RPTOR: variants seen among roughly 807,000 people sequenced by gnomAD.
RPTOR encodes regulatory-associated protein of mTOR.
A neutral mutation model predicts 169.9 loss-of-function variants in RPTOR; 21 were observed. That is an observed-to-expected ratio of 0.12 (90% CI 0.09 to 0.18). RPTOR has a LOEUF of 0.18. RPTOR is among the 10% of genes least tolerant of loss of function. The pLI is 1.00. For missense variants in RPTOR, 1,133 were observed against 1,855.9 expected (o/e 0.61, Z 7.16); for synonymous variants, 732 against 753.2 (o/e 0.97, Z 0.46).
chr17:80,661,651 G>A (rs528399869), intron 3 of RPTOR, among the ~76,000 whole-genome samples: 2 of 152,248 alleles, frequency 1.3e-5, no homozygotes, highest in African/African-American at 2.4e-5. Context: ...ATCTTGTTAA[G>A]TTTCTTCTTA....
chr17:80,960,008 G>T lies in RPTOR; in HGVS notation c.3478-70G>T, dbSNP rs1247158920. Reference sequence around the variant, plus strand: ...CAGGCAGGCAGCAAGAGGGGTCCTGGCGCTGCAGGACAGCAGGGAGGGTGG... The same window carrying T: ...CAGGCAGGCAGCAAGAGGGGTCCTGTCGCTGCAGGACAGCAGGGAGGGTGG... On this transcript the variant is annotated intron_variant, in intron 29 of 33. Coordinates refer to ENST00000306801, the MANE Select transcript of RPTOR (RefSeq NM_020761.3). This position sits in a 1 kb window ranked among gnomAD's most constrained non-coding sequence, Gnocchi z 4.8. 5 of 1,582,978 alleles carry T rather than the reference G, an allele frequency of 3.2e-6. No individual in the cohort carries two copies. In the African/African-American group the frequency reaches 6.7e-5, roughly 21 times the overall value.
intron 3 of RPTOR, among the ~76,000 whole-genome samples, chr17:80,668,395 C>G (rs1314327951): frequency 6.6e-6 from 1 of 152,154 alleles, no homozygotes; most frequent in Admixed American, 6.5e-5. Flanking sequence ...ATAGAGCAGG[C>G]TTGTGTTCTT....
intron 5 of RPTOR, among the ~76,000 whole-genome samples, chr17:80,749,451 G>T (rs3929294): frequency 2.1e-5 from 1 of 47,762 alleles, no homozygotes; most frequent in Non-Finnish European, 5.2e-5. Context: ...TTTAGAGGCC[G>T]TGGCGGGAGG....
chr17:80,638,411 C>CTT (rs11399351), intron 2 of RPTOR, among the ~76,000 whole-genome samples: 32,305 of 126,110 alleles, frequency 0.26, 4,715 homozygotes, highest in African/African-American at 0.32. Context: ...TTCTTCCTTT[C>CTT]TTTTTTTTTT....
chr17:80,571,824 T>C (rs1568311351), intron 1 of RPTOR, among the ~76,000 whole-genome samples: 1 of 152,232 alleles, frequency 6.6e-6, no homozygotes. Context: ...CCCAGCCTCT[T>C]CACTTTTCTT....
intron 3 of RPTOR, among the ~76,000 whole-genome samples, chr17:80,694,857 G>C (rs576239574): frequency 6.6e-6 from 1 of 152,162 alleles, no homozygotes; most frequent in African/African-American, 2.4e-5. Context: ...TGGCCTTCTC[G>C]AGGGGAAGGG....
At chr17:80,879,825 G>A (rs991163773) in intron 13 of RPTOR, among the ~76,000 whole-genome samples, 7 of 152,224 alleles carry the variant, frequency 4.6e-5, no homozygotes, top group Admixed American at 6.5e-5. Context: ...TGGGAAGGTC[G>A]CCTGCCTGGC....
rs115556209 is a variant in RPTOR at position 80,544,926 on chromosome 17, A to G, written c.-704A>G. ...CAGAGGGCAAAGCTCCCATGACCCA[A>G]TAAGCCCACATTGTCCCTTTCCTCC... On this transcript the variant is annotated 5_prime_UTR_variant, in exon 1 of 34. Coordinates refer to ENST00000306801, the MANE Select transcript of RPTOR (RefSeq NM_020761.3). 1.6e-4 allele frequency: 36 copies of G among 229,688 alleles called. No homozygotes were observed. Among genetic ancestry groups the G allele is most frequent in the Admixed American group, 1.1e-3 (19 of 17,638 alleles). 14.2% of individuals were successfully genotyped at this position (229,688 alleles called of 1,614,324 possible).
chr17:80,883,296 C>A, intron 14 of RPTOR, 123 bp from the exon 15 acceptor site: 1 of 838,646 alleles, frequency 1.2e-6, no homozygotes, highest in South Asian at 1.5e-5. Flanking sequence ...GTAAAGCTGG[C>A]TCTCGTTACT....
Position 80,947,990 on chromosome 17 carries a change from C to G in RPTOR, c.3265+639C>G, listed in dbSNP as rs955018261. Among the ~76,000 whole-genome samples the G allele has an allele frequency of 6.6e-6, 1 of 152,212 alleles. No individual in the cohort carries two copies. The highest frequency in any genetic ancestry group is 2.4e-5 in the African/African-American group (1 of 41,440). On this transcript the variant is annotated intron_variant, in intron 27 of 33. Transcript: ENST00000306801. This position sits in a 1 kb window ranked among gnomAD's most constrained non-coding sequence, Gnocchi z 4.4. Reference sequence around the variant, plus strand: ...TCGTTTGTTTCCATGTCAGTTACCCCACGTTGACAGTCATTTTCCTTTAGC... The same window carrying G: ...TCGTTTGTTTCCATGTCAGTTACCCGACGTTGACAGTCATTTTCCTTTAGC...
intron 13 of RPTOR, among the ~76,000 whole-genome samples, chr17:80,864,720 AG>A (rs1169682220): frequency 6.6e-6 from 1 of 152,292 alleles, no homozygotes; most frequent in Non-Finnish European, 1.5e-5. Context: ...AGCAGAAATG[AG>A]TACTATGTGG....
At chr17:80,655,265 T>C (rs142741217) in intron 3 of RPTOR, among the ~76,000 whole-genome samples, 127 of 152,282 alleles carry the variant, frequency 8.3e-4, no homozygotes, top group Middle Eastern at 3.4e-3. Context: ...TTTGTATTTT[T>C]AGTGGAGACA....
In RPTOR at chr17:80,721,953, C is replaced by T. The variant is rs911199091; in HGVS notation, c.508-8607C>T. On this transcript the variant is annotated intron_variant, in intron 4 of 33. Transcript: ENST00000306801. The surrounding 1 kb of genome is among the most constrained non-coding windows in gnomAD (Gnocchi z 4.7). ...TTGTGGATTGTGCTGCTGATGGGAACTTCCTTTGACTTCACAAATACAAGG... is the reference window on the plus strand; with the variant it reads ...TTGTGGATTGTGCTGCTGATGGGAATTTCCTTTGACTTCACAAATACAAGG... Among the ~76,000 whole-genome samples the T allele has an allele frequency of 1.3e-5, 2 of 151,104 alleles. No homozygotes were observed. Among genetic ancestry groups the T allele is most frequent in the Non-Finnish European group, 2.9e-5 (2 of 68,028 alleles).
chr17:80,925,462 T>G lies in RPTOR; in HGVS notation c.2901T>G (p.Phe967Leu). The G allele has an allele frequency of 6.2e-7, 1 of 1,613,506 alleles. No homozygotes were observed. Among genetic ancestry groups the G allele is most frequent in the Non-Finnish European group, 8.5e-7 (1 of 1,180,026 alleles). The stretch of plus-strand genomic sequence containing the variant: ...TCTGCGACTGGAGCGCCCGCTATTT[T>G]GCCCAGCCCGTCATGAAGGTGCGCC... ...TGFCDWSARY[F>L]AQPVMKIPEE... The change falls in exon 24 of 34, where the codon TTT becomes TTG. Residue 967 changes from phenylalanine (F) to leucine (L), a missense_variant. By Grantham distance (22) the Phe-to-Leu change is conservative. Around this residue, in one of 9 missense-constraint regions of RPTOR, gnomAD observed 410 missense variants for 623.7 expected, o/e 0.66. Coordinates refer to ENST00000306801, the MANE Select transcript of RPTOR (RefSeq NM_020761.3).
chr17:80,615,251 C>T (rs947359387), intron 1 of RPTOR, among the ~76,000 whole-genome samples: 4 of 152,246 alleles, frequency 2.6e-5, no homozygotes, highest in African/African-American at 9.6e-5. Context: ...CCTGCCACCG[C>T]CTCCTGAAGA....
At chr17:80,578,003 G>A (rs1018599474) in intron 1 of RPTOR, among the ~76,000 whole-genome samples, 8 of 152,252 alleles carry the variant, frequency 5.3e-5, no homozygotes, top group Non-Finnish European at 7.3e-5. Flanking sequence ...TGTTCACAGA[G>A]TGCAGCATCC....
chr17:80,713,452 G>A (rs1051831160), intron 4 of RPTOR, among the ~76,000 whole-genome samples: 6 of 152,174 alleles, frequency 3.9e-5, no homozygotes, highest in Non-Finnish European at 8.8e-5. Flanking sequence ...TGACGAGTTT[G>A]GACCAGTGAT....
At chr17:80,687,534 C>T (rs898336138) in intron 3 of RPTOR, among the ~76,000 whole-genome samples, 2 of 152,254 alleles carry the variant, frequency 1.3e-5, no homozygotes, top group African/African-American at 4.8e-5. Flanking sequence ...GTGAGTGGGT[C>T]TCCCCTGCCT....
chr17:80,741,501 G>A lies in RPTOR; in HGVS notation c.654+10795G>A, dbSNP rs548648485. 3.9e-5 allele frequency among the ~76,000 whole-genome samples: 6 copies of A among 152,362 alleles called. No homozygotes were observed. In the East Asian group the frequency reaches 9.6e-4, roughly 24 times the overall value. On this transcript the variant is annotated intron_variant, in intron 5 of 33. Transcript: ENST00000306801. ...AGGCAACACCAGTGTTTTGGCCTGG[G>A]TGGAATGGAGCAGCTGTCTCCCGAG... is the stretch of plus-strand genomic sequence containing the variant.
Sources: gnomAD v4.1 joint callset for allele counts (sites outside exome capture counted in the v4.1 genomes callset) on GRCh38, gnomAD v4.1.1 for gene constraint, gnomAD v4.1.1 regional missense constraint, Gnocchi (gnomAD v3.1) non-coding constraint, MANE v1.5 for transcripts, NCBI Gene and HGNC (gene_info 2026-07-23, HGNC 2026-07-21) for gene names.